PTDSS1: variants seen among roughly 807,000 people sequenced by gnomAD.
PTDSS1 encodes PSS-1.
Under a neutral mutation model 70.5 loss-of-function variants are expected in PTDSS1, and 45 were observed. The observed-to-expected ratio is 0.64, with a 90% CI of 0.50 to 0.82. The LOEUF is 0.82. Ranked by LOEUF, PTDSS1 falls within the 40% of genes least tolerant of loss-of-function variation. PTDSS1 has a pLI of 0.00. For missense variants in PTDSS1, 417 were observed against 586.1 expected (o/e 0.71, Z 2.98); for synonymous variants, 188 against 203.8 (o/e 0.92, Z 0.66).
intron 2 of PTDSS1, among the ~76,000 whole-genome samples, chr8:96,274,294 T>C (rs1268390223): frequency 6.6e-6 from 1 of 152,192 alleles, no homozygotes; most frequent in Non-Finnish European, 1.5e-5. Flanking sequence ...TAGGCTATCA[T>C]GTGTAATATA....
chr8:96,272,486 C>T (rs1194744385), intron 1 of PTDSS1, among the ~76,000 whole-genome samples: 2 of 152,190 alleles, frequency 1.3e-5, no homozygotes, highest in East Asian at 1.9e-4. Context: ...GTGCCTCTAA[C>T]ATAAGTCAGG....
At position 96,287,020 on chromosome 8, in the gene PTDSS1, A is replaced by G; in HGVS notation, c.317-2A>G. ...ACTTCAGCATGTTTTTGTTTCTCTC[A>G]GGACTCAGTGTGCTCTACTTCCTGT... On this transcript the variant is annotated splice_acceptor_variant, in intron 3 of 12. Transcript: ENST00000517309. LOFTEE classifies it high-confidence loss of function. The G allele has an allele frequency of 6.2e-7, 1 of 1,613,972 alleles. No homozygotes were observed. The highest frequency in any genetic ancestry group is 1.3e-5 in the African/African-American group (1 of 75,038).
chr8:96,333,349 C>T, intron 12 of PTDSS1, 108 bp from the exon 13 acceptor site: 2 of 886,692 alleles, frequency 2.3e-6, no homozygotes, highest in Non-Finnish European at 3.7e-6. Flanking sequence ...GGGGAGTGCA[C>T]GTATCAGGGA....
chr8:96,277,097 G>GTGTCCTGT (rs1435445055), intron 2 of PTDSS1, among the ~76,000 whole-genome samples: 3 of 152,226 alleles, frequency 2.0e-5, no homozygotes, highest in African/African-American at 7.2e-5. Flanking sequence ...TGGCAGTTCA[G>GTGTCCTGT]TGTCCTGTGC....
intron 1 of PTDSS1, among the ~76,000 whole-genome samples, chr8:96,263,937 T>C (rs1810451202): frequency 6.6e-6 from 1 of 152,256 alleles, no homozygotes; most frequent in African/African-American, 2.4e-5. Context: ...GTTCTTGTTA[T>C]GTAAGTGTTT....
At chr8:96,299,868 A>G in intron 6 of PTDSS1, 23 bp downstream of exon 6, 1 of 1,594,648 alleles carries the variant, frequency 6.3e-7, no homozygotes. Context: ...CTTTTTGGAT[A>G]TTAGTCACAG....
chr8:96,266,218 C>T (rs967450543), intron 1 of PTDSS1, among the ~76,000 whole-genome samples: 1 of 152,322 alleles, frequency 6.6e-6, no homozygotes, highest in South Asian at 2.1e-4. Context: ...GTAGAATCAG[C>T]CTTTGTTAGC....
At chr8:96,327,494 A>C (rs1358844222) in intron 10 of PTDSS1, among the ~76,000 whole-genome samples, 1 of 152,182 alleles carries the variant, frequency 6.6e-6, no homozygotes, top group East Asian at 1.9e-4. Flanking sequence ...CCTTTATTAT[A>C]AAGAGCAAGA....
chr8:96,308,990 A>G (rs912560929), intron 8 of PTDSS1, among the ~76,000 whole-genome samples: 3 of 152,034 alleles, frequency 2.0e-5, no homozygotes, highest in Admixed American at 6.6e-5. Flanking sequence ...AAAAATCTGT[A>G]TATTTTTTGC....
rs187684586 is a variant in PTDSS1 at position 96,331,215 on chromosome 8, G to A, written c.1312+120G>A. 2,655 of 906,922 alleles carry A rather than the reference G, an allele frequency of 2.9e-3. 8 individuals are homozygous for A. Among genetic ancestry groups the A allele is most frequent in the Non-Finnish European group, 4.1e-3 (2,371 of 582,146 alleles). 56.2% of individuals were successfully genotyped at this position (906,922 alleles called of 1,614,324 possible). ...AGGGTCTCAGGCCTACCCATTGAAT[G>A]TCTCCTGTCACTTATTAAGAAACAT... On this transcript the variant is annotated intron_variant, in intron 12 of 12. Transcript: ENST00000517309.
chr8:96,284,175 A>G, intron 3 of PTDSS1, 22 bp downstream of exon 3: 1 of 1,580,850 alleles, frequency 6.3e-7, no homozygotes, highest in Non-Finnish European at 8.7e-7. Flanking sequence ...TTAGCAATGT[A>G]AAAGGATGTT....
intron 10 of PTDSS1, among the ~76,000 whole-genome samples, chr8:96,323,076 T>G (rs1044182359): frequency 4.6e-5 from 7 of 152,242 alleles, no homozygotes; most frequent in Non-Finnish European, 1.0e-4. Context: ...CAGGGAAACA[T>G]TACATCTTAA....
At position 96,331,070 on chromosome 8, in the gene PTDSS1, C is replaced by T; in HGVS notation, c.1287C>T (p.Ser429=). The T allele has an allele frequency of 6.2e-7, 1 of 1,612,920 alleles. No individual in the cohort carries two copies. The highest frequency in any genetic ancestry group is 8.5e-7 in the Non-Finnish European group (1 of 1,179,174). The change falls in exon 12 of 13, where the codon TCC becomes TCT. Residue 429 remains serine, a synonymous_variant. Transcript: ENST00000517309. ...ATGGCACCTACAGTCCAGAGATCTC[C>T]TGGCATCACAGGAAAGGGACAAAAG... The part of the protein sequence containing the change: ...CEDGTYSPEI[S]WHHRKGTKGS...
rs185935758 is a variant in PTDSS1 at position 96,287,841 on chromosome 8, C to T, written c.441+695C>T. On this transcript the variant is annotated intron_variant, in intron 4 of 12. Coordinates refer to ENST00000517309, the MANE Select transcript of PTDSS1 (RefSeq NM_014754.3). ...TGTGGGAAAAACCAACTATTTTTCT[C>T]TTCACTGACGGTGAACACTTCTGTG... Among the ~76,000 whole-genome samples the T allele has an allele frequency of 2.9e-3, 436 of 152,288 alleles. 1 individual carries two copies. The highest frequency in any genetic ancestry group is 0.017 in the Middle Eastern group (5 of 294).
chr8:96,317,007 ATATG>A (rs1811299063), intron 9 of PTDSS1, among the ~76,000 whole-genome samples: 1 of 150,086 alleles, frequency 6.7e-6, no homozygotes, highest in African/African-American at 2.4e-5. Context: ...ATATATATAT[ATATG>A]TATGTGTATA....
intron 5 of PTDSS1, among the ~76,000 whole-genome samples, chr8:96,299,475 G>A (rs1331772297): frequency 6.6e-6 from 1 of 152,162 alleles, no homozygotes; most frequent in East Asian, 1.9e-4. Context: ...GAGAAGAGCT[G>A]TTTGGATATG....
At position 96,282,960 on chromosome 8, in the gene PTDSS1, C is replaced by T. The variant is rs538617392; in HGVS notation, c.272-1149C>T. Among the ~76,000 whole-genome samples the T allele has an allele frequency of 2.0e-5, 3 of 152,302 alleles. No homozygotes were observed. In the South Asian group the frequency reaches 6.2e-4, roughly 32 times the overall value. Reference sequence around the variant, plus strand: ...CAACCATATTCTGAGCTTCCAGAAACAGGCACCACCCACAGAGCTGTTCTA... The same window carrying T: ...CAACCATATTCTGAGCTTCCAGAAATAGGCACCACCCACAGAGCTGTTCTA... On this transcript the variant is annotated intron_variant, in intron 2 of 12. Transcript: ENST00000517309.
At chr8:96,303,195 T>C (rs1811074805) in intron 6 of PTDSS1, among the ~76,000 whole-genome samples, 1 of 152,238 alleles carries the variant, frequency 6.6e-6, no homozygotes, top group African/African-American at 2.4e-5. Context: ...AAGTCTTTTG[T>C]AGTTCTTGTT....
chr8:96,332,914 G>GC (rs1811538121), intron 12 of PTDSS1, among the ~76,000 whole-genome samples: 1 of 152,226 alleles, frequency 6.6e-6, no homozygotes, highest in South Asian at 2.1e-4. Flanking sequence ...GGAGGGCAGA[G>GC]GCTGCCCAGT....
Sources: gnomAD v4.1 joint callset for allele counts (sites outside exome capture counted in the v4.1 genomes callset) on GRCh38, gnomAD v4.1.1 for gene constraint, MANE v1.5 for transcripts, NCBI Gene and HGNC (gene_info 2026-07-23, HGNC 2026-07-21) for gene names.